LHX8: variants seen among roughly 807,000 people sequenced by gnomAD.
LHX8 encodes the protein LIM/homeobox protein Lhx8.
LHX8 carries 12 observed loss-of-function variants against 40.3 expected under a neutral mutation model. The observed-to-expected ratio is 0.30, with a 90% CI of 0.19 to 0.48. The LOEUF is 0.48. Ranked by LOEUF, LHX8 falls within the 20% of genes least tolerant of loss-of-function variation. The pLI is 0.99. For missense variants in LHX8, 344 were observed against 433.7 expected (o/e 0.79, Z 1.84); for synonymous variants, 179 against 162.0 (o/e 1.10, Z -0.80).
At chr1:75,182,795 AT>A in the LHX8 span, among the ~76,000 whole-genome samples, 1 of 152,310 alleles carries the variant, frequency 6.6e-6, no homozygotes, top group Admixed American at 6.5e-5. Context: ...TGCCTTGGCT[AT>A]GTGAGATCCT....
rs1353905114 is a variant in LHX8 at position 75,134,951 on chromosome 1, C to T, written c.-16C>T. ...CCTCGAGCCTAAGGCGCTCTCAGGT[C>T]CATGTGAGTCGTGCTTTTGTTCTAT... On this transcript the variant is annotated 5_prime_UTR_variant, in exon 1 of 9. Transcript: ENST00000356261. The T allele has an allele frequency of 1.0e-6, 1 of 984,688 alleles. No individual in the cohort carries two copies. The highest frequency in any genetic ancestry group is 1.2e-6 in the Non-Finnish European group (1 of 829,430). 61.0% of individuals were successfully genotyped at this position (984,688 alleles called of 1,614,324 possible).
At chr1:75,135,660 C>A (rs1648103364) in intron 1 of LHX8, among the ~76,000 whole-genome samples, 1 of 152,196 alleles carries the variant, frequency 6.6e-6, no homozygotes, top group African/African-American at 2.4e-5. Context: ...GCGGTCTAAG[C>A]CCAGGGACGC....
the LHX8 span, among the ~76,000 whole-genome samples, chr1:75,185,105 G>A: frequency 5.3e-5 from 8 of 150,030 alleles, no homozygotes; most frequent in Admixed American, 5.3e-4. Flanking sequence ...AATAGAATCA[G>A]TAATAAATAG....
chr1:75,186,889 A>C, the LHX8 span, among the ~76,000 whole-genome samples: 4 of 152,188 alleles, frequency 2.6e-5, no homozygotes. Context: ...CCAGTGAAAA[A>C]GTGGCTGACC....
chr1:75,192,650 T>C, the LHX8 span, among the ~76,000 whole-genome samples: 862 of 152,134 alleles, frequency 5.7e-3, 4 homozygotes, highest in African/African-American at 0.02. Flanking sequence ...ATTTTTTTTA[T>C]TTTTTACTTT....
downstream of LHX8, among the ~76,000 whole-genome samples, chr1:75,162,706 G>A (rs1648946481): frequency 6.6e-6 from 1 of 152,114 alleles, no homozygotes; most frequent in Non-Finnish European, 1.5e-5. Flanking sequence ...ATATAAAACT[G>A]TTAATCATGA....
intron 7 of LHX8, among the ~76,000 whole-genome samples, chr1:75,156,320 C>G (rs774241769): frequency 4.6e-5 from 7 of 152,096 alleles, no homozygotes; most frequent in Non-Finnish European, 8.8e-5. Context: ...GAGCTCACTG[C>G]AACCTCTGCC....
the LHX8 span, among the ~76,000 whole-genome samples, chr1:75,191,846 C>T: frequency 6.6e-6 from 1 of 152,160 alleles, no homozygotes; most frequent in Non-Finnish European, 1.5e-5. Flanking sequence ...AGGATATAGA[C>T]CAAAGCATAA....
chr1:75,180,491 A>T, the LHX8 span, among the ~76,000 whole-genome samples: 1 of 152,066 alleles, frequency 6.6e-6, no homozygotes, highest in South Asian at 2.1e-4. Context: ...TCAGGTACTG[A>T]TGCTTTTGCA....
chr1:75,141,146 A>G (rs1347654335), intron 4 of LHX8, 40 bp downstream of exon 4: 1 of 1,601,876 alleles, frequency 6.2e-7, no homozygotes, highest in African/African-American at 1.3e-5. Context: ...ACTTGAATAA[A>G]TTATTATGCA....
chr1:75,129,119 A>G (rs1250381355), intron 1 of LHX8, among the ~76,000 whole-genome samples: 1 of 152,226 alleles, frequency 6.6e-6, no homozygotes, highest in Non-Finnish European at 1.5e-5. Flanking sequence ...ATTTTTTATG[A>G]CAATTTCCAA....
intron 5 of LHX8, 113 bp from the exon 6 acceptor site, chr1:75,143,732 C>A: frequency 1.3e-6 from 1 of 798,208 alleles, no homozygotes; most frequent in Non-Finnish European, 2.2e-6. Context: ...GTTTTGCCGT[C>A]TAGAAAACAT....
chr1:75,168,852 T>C, the LHX8 span, among the ~76,000 whole-genome samples: 1 of 152,178 alleles, frequency 6.6e-6, no homozygotes, highest in South Asian at 2.1e-4. Context: ...ACCCTTGAAA[T>C]GTCTCTAGAA....
At chr1:75,192,137 G>A in the LHX8 span, among the ~76,000 whole-genome samples, 1 of 152,310 alleles carries the variant, frequency 6.6e-6, no homozygotes, top group South Asian at 2.1e-4. Context: ...ATTAAATACA[G>A]TTAAGACATC....
At chr1:75,136,380 G>C (rs1198333774) in intron 1 of LHX8, among the ~76,000 whole-genome samples, 1 of 151,842 alleles carries the variant, frequency 6.6e-6, no homozygotes, top group Non-Finnish European at 1.5e-5. Context: ...GGGAGCGCGG[G>C]ACGAGCTACC....
chr1:75,185,725 C>A, the LHX8 span, among the ~76,000 whole-genome samples: 1 of 152,062 alleles, frequency 6.6e-6, no homozygotes, highest in Non-Finnish European at 1.5e-5. Flanking sequence ...AAACAAAGGG[C>A]ATTCAAACAG....
intron 2 of LHX8, 93 bp from the exon 3 acceptor site, chr1:75,137,007 G>A: frequency 7.1e-7 from 1 of 1,416,226 alleles, no homozygotes; most frequent in Non-Finnish European, 9.5e-7. Flanking sequence ...CCAGGGGGAA[G>A]GGAGGGGAGG....
chr1:75,185,740 A>G, the LHX8 span, among the ~76,000 whole-genome samples: 1 of 152,226 alleles, frequency 6.6e-6, no homozygotes, highest in African/African-American at 2.4e-5. Flanking sequence ...AAACAGGAAG[A>G]GAGTAAGTCA....
chr1:75,148,520 A>G, intron 6 of LHX8, 67 bp from the exon 7 acceptor site: 1 of 1,097,004 alleles, frequency 9.1e-7, no homozygotes, highest in Non-Finnish European at 1.4e-6. Flanking sequence ...TCTTATGATA[A>G]AAATGCAGGA....
Sources: gnomAD v4.1 joint callset for allele counts (sites outside exome capture counted in the v4.1 genomes callset) on GRCh38, gnomAD v4.1.1 for gene constraint, MANE v1.5 for transcripts, NCBI Gene and HGNC (gene_info 2026-07-23, HGNC 2026-07-21) for gene names.